The following TRAPPC9 variants were observed in gnomAD, a reference collection of about 807,000 sequenced individuals.
The protein encoded by TRAPPC9 is trafficking protein particle complex subunit 9.
A neutral mutation model predicts 124.0 loss-of-function variants in TRAPPC9; 83 were observed. The observed-to-expected ratio is 0.67, with a 90% CI of 0.56 to 0.80. TRAPPC9 has a LOEUF of 0.80. Among genes scored for constraint, TRAPPC9 ranks in the 30% least tolerant of loss-of-function variants. The pLI is 0.00. For missense variants in TRAPPC9, 1,302 were observed against 1,508.3 expected (o/e 0.86, Z 2.27); for synonymous variants, 638 against 617.5 (o/e 1.03, Z -0.49).
At chr8:140,091,213 G>A (rs956511286) in intron 17 of TRAPPC9, among the ~76,000 whole-genome samples, 2 of 152,138 alleles carry the variant, frequency 1.3e-5, no homozygotes, top group African/African-American at 4.8e-5. Flanking sequence ...CAGGCTCTCC[G>A]TCTCCTGCCC....
intron 17 of TRAPPC9, among the ~76,000 whole-genome samples, chr8:140,075,332 T>C (rs753311694): frequency 6.6e-6 from 1 of 152,258 alleles, no homozygotes; most frequent in Non-Finnish European, 1.5e-5. Context: ...AACTCTTGAC[T>C]AGTTGGGGCC....
chr8:140,055,246 T>C (rs1248285363), intron 17 of TRAPPC9, among the ~76,000 whole-genome samples: 1 of 152,134 alleles, frequency 6.6e-6, no homozygotes, highest in Non-Finnish European at 1.5e-5. Flanking sequence ...CTCTACCACA[T>C]TAACAAAATA....
chr8:139,927,217 G>A (rs761243417), intron 19 of TRAPPC9, among the ~76,000 whole-genome samples: 8 of 152,000 alleles, frequency 5.3e-5, no homozygotes, highest in Non-Finnish European at 1.0e-4. Context: ...CTGCTGATGG[G>A]AGCATGCAAG....
chr8:140,073,711 T>C (rs992122257), intron 17 of TRAPPC9, among the ~76,000 whole-genome samples: 4 of 152,186 alleles, frequency 2.6e-5, no homozygotes, highest in Non-Finnish European at 4.4e-5. Context: ...CTCATTATCA[T>C]CATCATTCTC....
At chr8:140,040,173 CA>C (rs1235435467) in intron 17 of TRAPPC9, 1 of 152,416 alleles carries the variant, frequency 6.6e-6, no homozygotes, top group Admixed American at 6.5e-5. Context: ...AGCCCACCAC[CA>C]ACTACTTACC....
chr8:140,001,586 G>A (rs987761523), intron 18 of TRAPPC9, among the ~76,000 whole-genome samples: 38 of 152,198 alleles, frequency 2.5e-4, no homozygotes, highest in African/African-American at 9.2e-4. Flanking sequence ...AAAAAGGAGA[G>A]AGAACACAAA....
At chr8:140,023,622 T>C (rs1317421979) in intron 18 of TRAPPC9, among the ~76,000 whole-genome samples, 4 of 152,168 alleles carry the variant, frequency 2.6e-5, no homozygotes, top group African/African-American at 9.6e-5. Context: ...TAAGCCAGAA[T>C]GCAGCCAGGC....
intron 4 of TRAPPC9, among the ~76,000 whole-genome samples, chr8:140,431,637 A>AT (rs2070650430): frequency 6.6e-6 from 1 of 152,184 alleles, no homozygotes; most frequent in Admixed American, 6.6e-5. Context: ...CACGCTAAAC[A>AT]TTTTGCACAC....
intron 21 of TRAPPC9, among the ~76,000 whole-genome samples, chr8:139,879,095 G>A (rs544616908): frequency 4.2e-4 from 64 of 152,370 alleles, no homozygotes; most frequent in African/African-American, 1.4e-3. Context: ...GGCCCAGCCC[G>A]GCATGGCGGC....
chr8:140,206,114 T>G lies in TRAPPC9; in HGVS notation c.2556+15345A>C, dbSNP rs529992316. On this transcript the variant is annotated intron_variant, in intron 17 of 22. Coordinates refer to ENST00000438773, the MANE Select transcript of TRAPPC9 (RefSeq NM_001160372.4). ...GGTTTAACATTCTAAAACCAATCCATCTAAGTCACCACATTAACAAAGAAA... is the reference window on the plus strand; with the variant it reads ...GGTTTAACATTCTAAAACCAATCCAGCTAAGTCACCACATTAACAAAGAAA... Among the ~76,000 whole-genome samples, 10 of 152,322 alleles carry G rather than the reference T, an allele frequency of 6.6e-5. No homozygotes were observed. In the South Asian group the frequency reaches 2.1e-3, roughly 32 times the overall value.
chr8:140,027,804 G>A (rs528259070), intron 17 of TRAPPC9, among the ~76,000 whole-genome samples: 4 of 152,138 alleles, frequency 2.6e-5, no homozygotes, highest in Admixed American at 2.0e-4. Flanking sequence ...CTTACATGGC[G>A]GCAGGAGAAA....
intron 16 of TRAPPC9, among the ~76,000 whole-genome samples, chr8:140,240,383 G>A (rs1318410701): frequency 6.6e-6 from 1 of 152,148 alleles, no homozygotes; most frequent in African/African-American, 2.4e-5. Context: ...GGGAGGACTG[G>A]GGAGAATTCT....
intron 17 of TRAPPC9, among the ~76,000 whole-genome samples, chr8:140,190,878 TG>T (rs1267276889): frequency 6.6e-6 from 1 of 152,208 alleles, no homozygotes; most frequent in Non-Finnish European, 1.5e-5. Flanking sequence ...AGCAAACCTT[TG>T]GAGGACTACA....
At chr8:140,105,377 G>A (rs1178918044) in intron 17 of TRAPPC9, among the ~76,000 whole-genome samples, 1 of 152,230 alleles carries the variant, frequency 6.6e-6, no homozygotes, top group African/African-American at 2.4e-5. Flanking sequence ...TGGTTATCCA[G>A]TTTGATTCCC....
At chr8:140,379,135 G>A (rs898922929) in intron 7 of TRAPPC9, among the ~76,000 whole-genome samples, 1 of 148,166 alleles carries the variant, frequency 6.7e-6, no homozygotes, top group Non-Finnish European at 1.5e-5. Flanking sequence ...ACATTGCTCA[G>A]TCCATGGCCC....
At chr8:139,792,362 AAC>A (rs1822752380) in intron 21 of TRAPPC9, among the ~76,000 whole-genome samples, 1 of 152,196 alleles carries the variant, frequency 6.6e-6, no homozygotes, top group African/African-American at 2.4e-5. Context: ...AGGCAGAGAG[AAC>A]AGTGTGAGCA....
chr8:140,192,646 A>G (rs1430124394), intron 17 of TRAPPC9, among the ~76,000 whole-genome samples: 1 of 152,230 alleles, frequency 6.6e-6, no homozygotes, highest in South Asian at 2.1e-4. Flanking sequence ...AACCAGACAT[A>G]ACATGAGATG....
chr8:140,046,647 C>A (rs1841617849), intron 17 of TRAPPC9, among the ~76,000 whole-genome samples: 1 of 152,188 alleles, frequency 6.6e-6, no homozygotes, highest in Non-Finnish European at 1.5e-5. Flanking sequence ...CCTGCTACAT[C>A]CAAGAAAGTG....
intron 15 of TRAPPC9, among the ~76,000 whole-genome samples, chr8:140,256,507 G>A (rs920398918): frequency 2.6e-5 from 4 of 152,054 alleles, no homozygotes; most frequent in East Asian, 3.9e-4. Context: ...CTGCCTACTC[G>A]ATGTGACCTC....
Sources: gnomAD v4.1 joint callset for allele counts (sites outside exome capture counted in the v4.1 genomes callset) on GRCh38, gnomAD v4.1.1 for gene constraint, MANE v1.5 for transcripts, NCBI Gene and HGNC (gene_info 2026-07-23, HGNC 2026-07-21) for gene names.